AGBL4: variants seen among roughly 807,000 people sequenced by gnomAD.
The protein encoded by AGBL4 is cytosolic carboxypeptidase 6.
AGBL4 carries 58 observed loss-of-function variants against 66.4 expected under a neutral mutation model. That is an observed-to-expected ratio of 0.87 (90% CI 0.71 to 1.09). The LOEUF (loss-of-function observed/expected upper bound fraction) is 1.09, where lower values mean the gene tolerates loss of function less well. Ranked by LOEUF, AGBL4 falls within the 50% of genes least tolerant of loss-of-function variation. The pLI, the probability that AGBL4 is intolerant of heterozygous loss-of-function variation, is 0.00. For synonymous variants in AGBL4, 234 were observed against 222.9 expected, an observed-to-expected ratio of 1.05 and a Z score of -0.44; for missense variants, 579 against 631.0, an observed-to-expected ratio of 0.92 and a Z score of 0.88.
chr1:49,807,556 C>T (rs1192538644), intron 2 of AGBL4, among the ~76,000 whole-genome samples: 1 of 152,128 alleles, frequency 6.6e-6, no homozygotes, highest in Non-Finnish European at 1.5e-5. Flanking sequence ...TGAATCATAC[C>T]TTGAGTCTCA....
intron 3 of AGBL4, among the ~76,000 whole-genome samples, chr1:49,584,910 C>A (rs1410201969): frequency 6.6e-6 from 1 of 152,272 alleles, no homozygotes; most frequent in African/African-American, 2.4e-5. Context: ...CAAGATCACA[C>A]AGCTTGTAAG....
At chr1:49,681,798 G>A (rs549317133) in intron 3 of AGBL4, among the ~76,000 whole-genome samples, 1 of 152,248 alleles carries the variant, frequency 6.6e-6, no homozygotes, top group South Asian at 2.1e-4. Context: ...TTCTGTGAGA[G>A]ATCCTTTATT....
intron 5 of AGBL4, among the ~76,000 whole-genome samples, chr1:49,042,760 G>A (rs1392990878): frequency 3.9e-5 from 6 of 152,056 alleles, no homozygotes; most frequent in Admixed American, 3.3e-4. Context: ...AGAAATAAAC[G>A]TCTATCATGT....
chr1:49,489,318 TTA>T (rs889327474), intron 3 of AGBL4, among the ~76,000 whole-genome samples: 14 of 152,118 alleles, frequency 9.2e-5, no homozygotes, highest in African/African-American at 3.4e-4. Flanking sequence ...TGTTTGCCAT[TTA>T]TATGTTTTCT....
intron 1 of AGBL4, among the ~76,000 whole-genome samples, chr1:49,878,327 T>C (rs1647092130): frequency 6.7e-6 from 1 of 150,116 alleles, no homozygotes; most frequent in South Asian, 2.1e-4. Context: ...ACACACTGCT[T>C]TGAATGTGTC....
At chr1:49,878,985 C>T (rs1455520313) in intron 1 of AGBL4, among the ~76,000 whole-genome samples, 8 of 99,972 alleles carry the variant, frequency 8.0e-5, no homozygotes, top group Admixed American at 3.6e-4. Flanking sequence ...ATTGCAACCC[C>T]TGCCTTTTTT....
At chr1:49,672,839 T>G (rs1433568458) in intron 3 of AGBL4, among the ~76,000 whole-genome samples, 8 of 148,814 alleles carry the variant, frequency 5.4e-5, no homozygotes, top group African/African-American at 2.0e-4. Context: ...GAAAATCGCT[T>G]GAACCCAGGA....
At chr1:49,333,666 T>C (rs904837367) in intron 3 of AGBL4, among the ~76,000 whole-genome samples, 9 of 152,086 alleles carry the variant, frequency 5.9e-5, no homozygotes, top group Non-Finnish European at 1.2e-4. Flanking sequence ...TGACAGTATA[T>C]ATGAAACAAG....
At chr1:48,776,820 A>C in intron 6 of AGBL4, 1 of 1,515,570 alleles carries the variant, frequency 6.6e-7, no homozygotes, top group Non-Finnish European at 8.8e-7. Context: ...GGAACCGCAC[A>C]AAGGCGTACA....
At chr1:48,918,001 G>C (rs1653745708) in intron 5 of AGBL4, among the ~76,000 whole-genome samples, 2 of 152,196 alleles carry the variant, frequency 1.3e-5, no homozygotes, top group Admixed American at 6.5e-5. Flanking sequence ...AGACTCCCCT[G>C]ATGCTCCGTG....
chr1:49,157,602 T>A (rs1292870714), intron 4 of AGBL4, among the ~76,000 whole-genome samples: 2 of 152,214 alleles, frequency 1.3e-5, no homozygotes, highest in African/African-American at 4.8e-5. Flanking sequence ...TACCCAGTAA[T>A]GGGATTCCTG....
intron 1 of AGBL4, among the ~76,000 whole-genome samples, chr1:49,864,921 C>T (rs1370756534): frequency 6.6e-6 from 1 of 152,134 alleles, no homozygotes; most frequent in Admixed American, 6.6e-5. Flanking sequence ...TCTGGCAGTG[C>T]TGAGGAGGCT....
At chr1:49,988,396 C>T (rs1659680087) in intron 1 of AGBL4, among the ~76,000 whole-genome samples, 2 of 152,118 alleles carry the variant, frequency 1.3e-5, no homozygotes, top group African/African-American at 4.8e-5. Flanking sequence ...TAGTCAATTT[C>T]CTGCTCAGTC....
intron 9 of AGBL4, among the ~76,000 whole-genome samples, chr1:48,615,316 A>G (rs1570011198): frequency 6.6e-6 from 1 of 152,324 alleles, no homozygotes; most frequent in Non-Finnish European, 1.5e-5. Flanking sequence ...TGCTTTAAAA[A>G]GTTGTGGCTG....
chr1:49,263,036 T>C (rs1333864234), intron 3 of AGBL4, among the ~76,000 whole-genome samples: 4 of 152,054 alleles, frequency 2.6e-5, no homozygotes, highest in Non-Finnish European at 5.9e-5. Flanking sequence ...ATCATCATTC[T>C]CAGTAAACTA....
intron 6 of AGBL4, among the ~76,000 whole-genome samples, chr1:48,712,248 G>A (rs986617907): frequency 1.1e-4 from 16 of 152,048 alleles, no homozygotes; most frequent in African/African-American, 3.6e-4. Flanking sequence ...GAGAAGTACT[G>A]TGGGCCAGGC....
At chr1:49,350,532 T>C (rs1266847605) in intron 3 of AGBL4, among the ~76,000 whole-genome samples, 2 of 152,178 alleles carry the variant, frequency 1.3e-5, no homozygotes, top group African/African-American at 2.4e-5. Flanking sequence ...ATGAATGAAA[T>C]GTTTGCTGAG....
chr1:48,533,674 C>T lies in AGBL4; in HGVS notation c.*499G>A. On this transcript the variant is annotated 3_prime_UTR_variant, in exon 14 of 14. Coordinates refer to ENST00000371839, the MANE Select transcript of AGBL4 (RefSeq NM_032785.4). Reference sequence around the variant, plus strand: ...CACCGTTGATTTCAAAAATTCTGTCCCATTGTTCCCTAGGATGCATTTGCC... The same window carrying T: ...CACCGTTGATTTCAAAAATTCTGTCTCATTGTTCCCTAGGATGCATTTGCC... The T allele has an allele frequency of 6.1e-6, 1 of 164,952 alleles. No individual in the cohort carries two copies. Among genetic ancestry groups the T allele is most frequent in the Non-Finnish European group, 1.3e-5 (1 of 76,540 alleles). The allele number at this position is 164,952 out of a possible 1,614,324, so 10.2% of individuals were successfully genotyped here. A position where few individuals can be genotyped will look rare whatever the true frequency, so the allele number is the denominator to read the frequency against.
At chr1:49,333,407 G>T (rs1374642259) in intron 3 of AGBL4, among the ~76,000 whole-genome samples, 3 of 152,180 alleles carry the variant, frequency 2.0e-5, no homozygotes, top group Non-Finnish European at 1.5e-5. Flanking sequence ...GAACAAGGGA[G>T]TCGGAGGTTG....
Sources: gnomAD v4.1 joint callset for allele counts (sites outside exome capture counted in the v4.1 genomes callset) on GRCh38, gnomAD v4.1.1 for gene constraint, MANE v1.5 for transcripts, NCBI Gene and HGNC (gene_info 2026-07-23, HGNC 2026-07-21) for gene names.